DOCK4: variants seen among roughly 807,000 people sequenced by gnomAD.
The protein encoded by DOCK4 is dedicator of cytokinesis 4.
Under a neutral mutation model 268.1 loss-of-function variants are expected in DOCK4, and 97 were observed. The observed-to-expected ratio is 0.36, with a 90% confidence interval of 0.31 to 0.43. The LOEUF is 0.43. Among genes scored for constraint, DOCK4 ranks in the 20% least tolerant of loss-of-function variants. The probability of loss-of-function intolerance (pLI) is 1.00; values close to 1 mark genes in which losing one functional copy is unlikely to be tolerated. For missense variants in DOCK4, 2,145 were observed against 2,455.7 expected (o/e 0.87, Z 2.67); for synonymous variants, 954 against 887.2 (o/e 1.08, Z -1.34).
At chr7:111,948,857 A>C (rs1795831113) in intron 8 of DOCK4, among the ~76,000 whole-genome samples, 1 of 151,914 alleles carries the variant, frequency 6.6e-6, no homozygotes, top group Non-Finnish European at 1.5e-5. Flanking sequence ...CTGGGATTAC[A>C]AGTGTGAGCC....
chr7:111,767,828 G>A (rs918285404), intron 37 of DOCK4, among the ~76,000 whole-genome samples: 1 of 151,944 alleles, frequency 6.6e-6, no homozygotes, highest in African/African-American at 2.4e-5. Context: ...TGGCTTAGTT[G>A]TGCTTGCAAA....
chr7:112,069,927 G>A (rs994405571), intron 1 of DOCK4, among the ~76,000 whole-genome samples: 1 of 152,162 alleles, frequency 6.6e-6, no homozygotes, highest in Non-Finnish European at 1.5e-5. Context: ...TGGGAAGAGA[G>A]TTACACAGTA....
intron 8 of DOCK4, among the ~76,000 whole-genome samples, chr7:111,974,323 A>T (rs574976206): frequency 6.6e-6 from 1 of 152,224 alleles, no homozygotes; most frequent in South Asian, 2.1e-4. Context: ...ACATCTAGTA[A>T]GCATATATTG....
intron 1 of DOCK4, among the ~76,000 whole-genome samples, chr7:112,103,918 G>A (rs1287938705): frequency 2.0e-5 from 3 of 152,104 alleles, no homozygotes; most frequent in African/African-American, 7.2e-5. Flanking sequence ...ACTAATGAGT[G>A]TTCTTTAATA....
chr7:112,164,911 C>G (rs1817456366), intron 1 of DOCK4, among the ~76,000 whole-genome samples: 1 of 152,114 alleles, frequency 6.6e-6, no homozygotes, highest in Non-Finnish European at 1.5e-5. Flanking sequence ...GTTATTACAA[C>G]CTGGTGAAAC....
chr7:112,082,183 C>T (rs976272622), intron 1 of DOCK4, among the ~76,000 whole-genome samples: 1 of 152,096 alleles, frequency 6.6e-6, no homozygotes, highest in Non-Finnish European at 1.5e-5. Context: ...ACCTGAAAAA[C>T]TTTTTAAAAA....
chr7:111,798,939 T>A (rs935842560), intron 30 of DOCK4, among the ~76,000 whole-genome samples: 1 of 152,200 alleles, frequency 6.6e-6, no homozygotes, highest in Non-Finnish European at 1.5e-5. Context: ...TATCCTCAGT[T>A]TTTCTTCCAC....
In DOCK4 at chr7:112,128,083, C is replaced by T. The variant is rs1197891472; in HGVS notation, c.37+78019G>A. 2.6e-5 allele frequency among the ~76,000 whole-genome samples: 4 copies of T among 152,200 alleles called. 1 individual carries two copies. Among genetic ancestry groups the T allele is most frequent in the Non-Finnish European group, 4.4e-5 (3 of 68,038 alleles). ...TGCCTCATTTACTTAAAACAACATT[C>T]AGTTAGACAAACAGTACCACAAACA... On this transcript the variant is annotated intron_variant, in intron 1 of 52. Transcript: ENST00000428084.
chr7:111,779,507 C>T (rs528470779), intron 35 of DOCK4, among the ~76,000 whole-genome samples: 1 of 152,306 alleles, frequency 6.6e-6, no homozygotes, highest in South Asian at 2.1e-4. Flanking sequence ...AAGTGATTCT[C>T]CTGCCTCAGC....
At chr7:111,822,497 T>C (rs751159455) in intron 26 of DOCK4, 41 bp from the exon 27 acceptor site, 1 of 1,530,790 alleles carries the variant, frequency 6.5e-7, no homozygotes, top group East Asian at 2.3e-5. Context: ...TGGTTTATTG[T>C]AACTGTCAAC....
chr7:112,144,763 ACT>A (rs1160058135), intron 1 of DOCK4, among the ~76,000 whole-genome samples: 2 of 152,154 alleles, frequency 1.3e-5, no homozygotes, highest in Non-Finnish European at 2.9e-5. Flanking sequence ...CTGTAACTAC[ACT>A]CTGCACACCA....
intron 7 of DOCK4, among the ~76,000 whole-genome samples, chr7:111,979,723 T>C (rs992275339): frequency 2.6e-5 from 4 of 152,172 alleles, no homozygotes; most frequent in Admixed American, 6.5e-5. Context: ...ATGAAAAGAA[T>C]AGGCCTTAAG....
intron 10 of DOCK4, among the ~76,000 whole-genome samples, chr7:111,941,829 A>T (rs779961074): frequency 2.0e-5 from 3 of 152,202 alleles, no homozygotes; most frequent in Admixed American, 6.5e-5. Context: ...AAAATAAGGG[A>T]ATAAGGTTGA....
intron 22 of DOCK4, 46 bp from the exon 23 acceptor site, chr7:111,863,610 A>C (rs1470975544): frequency 3.0e-5 from 45 of 1,512,816 alleles, no homozygotes; most frequent in Non-Finnish European, 4.0e-5. Context: ...ATACGCCATG[A>C]GAAATATGCT....
rs200976875 is a variant in DOCK4 at position 111,928,586 on chromosome 7, CTTTTTTT to C, written c.1066+6947_1066+6953del. Among the ~76,000 whole-genome samples the C allele has an allele frequency of 8.9e-3, 1,149 of 129,508 alleles. 18 individuals carry two copies. Among genetic ancestry groups the C allele is most frequent in the African/African-American group, 0.031 (1,100 of 35,400 alleles). 85.0% of individuals were successfully genotyped at this position (129,508 alleles called of 152,430 possible). A position where few individuals can be genotyped will look rare whatever the true frequency, so the allele number is the denominator to read the frequency against. On this transcript the variant is annotated intron_variant, in intron 12 of 52. Transcript: ENST00000428084. Reference sequence around the variant, plus strand: ...GCAAAATAGCCTGGATTTTCTTTTTCTTTTTTTTTTTTTTTTTTTAAGATGGAGTCTC... The same window carrying C: ...GCAAAATAGCCTGGATTTTCTTTTTCTTTTTTTTTTTTAAGATGGAGTCTC...
At chr7:112,061,776 C>T (rs1000717198) in intron 1 of DOCK4, among the ~76,000 whole-genome samples, 1 of 151,578 alleles carries the variant, frequency 6.6e-6, no homozygotes, top group African/African-American at 2.4e-5. Flanking sequence ...CACACACACA[C>T]ACACACACGA....
At chr7:111,769,488 A>T in intron 37 of DOCK4, 41 bp downstream of exon 37, 1 of 1,609,644 alleles carries the variant, frequency 6.2e-7, no homozygotes, top group Non-Finnish European at 8.5e-7. Flanking sequence ...CATCAACACC[A>T]TCACCCCAGG....
chr7:111,863,879 A>T (rs1166872086), intron 22 of DOCK4, among the ~76,000 whole-genome samples: 1 of 152,210 alleles, frequency 6.6e-6, no homozygotes, highest in Admixed American at 6.5e-5. Flanking sequence ...AGAATGCTCA[A>T]CCAAGACCTG....
chr7:112,097,361 C>A lies in DOCK4; in HGVS notation c.38-93230G>T, dbSNP rs558916146. On this transcript the variant is annotated intron_variant, in intron 1 of 52. Coordinates refer to ENST00000428084, the MANE Select transcript of DOCK4 (RefSeq NM_001363540.2). The stretch of plus-strand genomic sequence containing the variant: ...GGCCGTGGTGGGAAGACCACTTGAG[C>A]CCAGGAGTTTGAAACCAGACTGAGC... Among the ~76,000 whole-genome samples the A allele has an allele frequency of 5.9e-5, 9 of 152,058 alleles. No individual in the cohort carries two copies. The South Asian group carries it at 1.9e-3, about 32-fold the overall frequency.
Sources: allele counts gnomAD v4.1 joint callset (sites outside exome capture counted in the v4.1 genomes callset), GRCh38; gene constraint gnomAD v4.1.1; transcripts MANE v1.5; gene names NCBI Gene and HGNC (gene_info 2026-07-23, HGNC 2026-07-21).